CAPZA1: variants seen among roughly 807,000 people sequenced by gnomAD.
The protein encoded by CAPZA1 is capping actin protein of muscle Z-line subunit alpha 1.
In CAPZA1, 10 loss-of-function variants were observed where a neutral mutation model predicts 40.8. That is an observed-to-expected ratio of 0.25 (90% CI 0.15 to 0.42). The LOEUF is 0.42. Ranked by LOEUF, CAPZA1 falls within the 10% of genes least tolerant of loss-of-function variation. CAPZA1 has a pLI of 1.00. For missense variants in CAPZA1, 277 were observed against 353.8 expected, an observed-to-expected ratio of 0.78 and a Z score of 1.74; for synonymous variants, 98 against 115.0, an observed-to-expected ratio of 0.85 and a Z score of 0.95.
chr1:112,624,778 T>C (rs1259084574), intron 1 of CAPZA1, among the ~76,000 whole-genome samples: 1 of 152,072 alleles, frequency 6.6e-6, no homozygotes, highest in Non-Finnish European at 1.5e-5. Context: ...AATAGAGAAG[T>C]AGGGAGGAAT....
In CAPZA1 at chr1:112,665,727, C is replaced by T. The variant is rs553933020; in HGVS notation, c.586-1347C>T. Among the ~76,000 whole-genome samples the T allele has an allele frequency of 9.9e-5, 15 of 152,214 alleles. 1 individual carries two copies. Among genetic ancestry groups the T allele is most frequent in the East Asian group, 3.9e-4 (2 of 5,174 alleles). On this transcript the variant is annotated intron_variant, in intron 7 of 9. Coordinates refer to ENST00000263168, the MANE Select transcript of CAPZA1 (RefSeq NM_006135.3). ...GAGCTTGATTGAGCCTCTTTTAGAA[C>T]GGCACTAATCCCTTGAAGGCTTCAT...
chr1:112,660,922 A>G (rs927918968), intron 7 of CAPZA1, among the ~76,000 whole-genome samples: 1 of 138,960 alleles, frequency 7.2e-6, no homozygotes, highest in Admixed American at 7.7e-5. Flanking sequence ...CAGTGGTGCA[A>G]TCTTGGCTCA....
rs574350616 is a variant in CAPZA1 at position 112,639,775 on chromosome 1, C to T, written c.40-7435C>T. Among the ~76,000 whole-genome samples, 1,106 of 149,334 alleles carry T rather than the reference C, an allele frequency of 7.4e-3. 10 individuals carry two copies. The highest frequency in any genetic ancestry group is 0.026 in the African/African-American group (1,040 of 40,650). On this transcript the variant is annotated intron_variant, in intron 1 of 9. Transcript: ENST00000263168. ...AAAAAAATTGGCCAGCCGCCCCGTC[C>T]GGGAGGTGAGGGGCGCCTCTGCCCG...
At chr1:112,657,597 T>C (rs1175708100) in intron 5 of CAPZA1, among the ~76,000 whole-genome samples, 1 of 147,430 alleles carries the variant, frequency 6.8e-6, no homozygotes, top group Non-Finnish European at 1.5e-5. Flanking sequence ...CCCTAATTCT[T>C]TTTTTTTTTT....
At chr1:112,659,230 A>C (rs1256106433) in intron 6 of CAPZA1, 129 bp downstream of exon 6, 1 of 669,098 alleles carries the variant, frequency 1.5e-6, no homozygotes. Flanking sequence ...TAAATGAGGG[A>C]TTTAGATTCC....
rs5777132 is a variant in CAPZA1, at chr1:112,635,553, CT to C, written c.40-11641del. On this transcript the variant is annotated intron_variant, in intron 1 of 9. Transcript: ENST00000263168. ...TTCGTTTGTATGTGTTTGTCAAGGA[CT>C]TTTTTTTTTTTTTTTGAGACGAGTA... Among the ~76,000 whole-genome samples, 291 of 139,522 alleles carry C rather than the reference CT, an allele frequency of 2.1e-3. 2 individuals are homozygous for C. Among genetic ancestry groups the C allele is most frequent in the Middle Eastern group, 0.011 (3 of 268 alleles). 91.5% of individuals were successfully genotyped at this position (139,522 alleles called of 152,430 possible).
chr1:112,649,610 T>A (rs1671346338), intron 3 of CAPZA1, 141 bp downstream of exon 3: 4 of 681,946 alleles, frequency 5.9e-6, no homozygotes, highest in East Asian at 2.7e-5. Context: ...TTGTTTTTTT[T>A]AATTGGAGAA....
chr1:112,648,193 T>C (rs1183977689), intron 2 of CAPZA1, among the ~76,000 whole-genome samples: 2 of 152,078 alleles, frequency 1.3e-5, no homozygotes, highest in Non-Finnish European at 2.9e-5. Context: ...GTATAAGATA[T>C]AATAGAAGTA....
chr1:112,626,528 G>A (rs149707117), intron 1 of CAPZA1, among the ~76,000 whole-genome samples: 222 of 151,956 alleles, frequency 1.5e-3, no homozygotes, highest in Non-Finnish European at 2.6e-3. Context: ...CTGACAAGTA[G>A]CCAATATTAC....
At chr1:112,631,428 C>T (rs907971759) in intron 1 of CAPZA1, among the ~76,000 whole-genome samples, 1 of 151,998 alleles carries the variant, frequency 6.6e-6, no homozygotes, top group African/African-American at 2.4e-5. Context: ...GTTTTATAAT[C>T]ACAAATGAAG....
intron 8 of CAPZA1, among the ~76,000 whole-genome samples, chr1:112,667,479 A>G (rs1465604605): frequency 6.6e-6 from 1 of 152,222 alleles, no homozygotes; most frequent in Non-Finnish European, 1.5e-5. Context: ...CATTTATATC[A>G]TTAGAGAAAC....
intron 8 of CAPZA1, among the ~76,000 whole-genome samples, chr1:112,667,555 G>C (rs1413697129): frequency 6.6e-6 from 1 of 152,130 alleles, no homozygotes; most frequent in East Asian, 1.9e-4. Flanking sequence ...TTTGAGACAG[G>C]AATTCACTCT....
At chr1:112,662,734 T>TA (rs1428281352) in intron 7 of CAPZA1, among the ~76,000 whole-genome samples, 1 of 151,916 alleles carries the variant, frequency 6.6e-6, no homozygotes, top group Non-Finnish European at 1.5e-5. Flanking sequence ...CAGTGAGGCT[T>TA]ATTGACCTTA....
At position 112,644,786 on chromosome 1, in the gene CAPZA1, T is replaced by C. The variant is rs989730997; in HGVS notation, c.40-2424T>C. Among the ~76,000 whole-genome samples, 55 of 152,324 alleles carry C rather than the reference T, an allele frequency of 3.6e-4. 1 individual carries two copies. The highest frequency in any genetic ancestry group is 1.3e-3 in the African/African-American group (55 of 41,568). The stretch of plus-strand genomic sequence containing the variant: ...ACCCATTTGTGGTGAGTCCTATTTA[T>C]TATCATTACTAGCATTATTACTATG... On this transcript the variant is annotated intron_variant, in intron 1 of 9. Coordinates refer to ENST00000263168, the MANE Select transcript of CAPZA1 (RefSeq NM_006135.3).
At chr1:112,652,862 T>C (rs1671422005) in intron 3 of CAPZA1, among the ~76,000 whole-genome samples, 1 of 152,184 alleles carries the variant, frequency 6.6e-6, no homozygotes, top group African/African-American at 2.4e-5. Context: ...ATGCAGAATT[T>C]CAAAAATCAA....
chr1:112,649,014 T>C (rs995455742), intron 2 of CAPZA1, among the ~76,000 whole-genome samples: 3 of 151,810 alleles, frequency 2.0e-5, no homozygotes, highest in Middle Eastern at 3.5e-3. Context: ...TTTAAAAAGG[T>C]TGTAGACCCC....
At chr1:112,643,875 C>CTTTTTTTTTTTTTTTTTTTTT (rs1557731528) in intron 1 of CAPZA1, among the ~76,000 whole-genome samples, 2 of 152,160 alleles carry the variant, frequency 1.3e-5, no homozygotes, top group African/African-American at 4.8e-5. Context: ...GAGACAGTCT[C>CTTTTTTTTTTTTTTTTTTTTT]ACTCTGTCGC....
chr1:112,625,976 G>C (rs1670797637), intron 1 of CAPZA1: 1 of 152,416 alleles, frequency 6.6e-6, no homozygotes, highest in Non-Finnish European at 1.5e-5. Context: ...GGTGAGATGG[G>C]TGCAGCACAT....
intron 1 of CAPZA1, among the ~76,000 whole-genome samples, chr1:112,627,402 T>C (rs113471283): frequency 0.032 from 4,828 of 152,124 alleles, 134 homozygotes; most frequent in African/African-American, 0.072. Context: ...CCCAGCACTT[T>C]GGGAGGCTGA....
Sources: allele counts gnomAD v4.1 joint callset (sites outside exome capture counted in the v4.1 genomes callset), GRCh38; gene constraint gnomAD v4.1.1; transcripts MANE v1.5; gene names NCBI Gene and HGNC (gene_info 2026-07-23, HGNC 2026-07-21).